E2F1: variants seen among roughly 807,000 people sequenced by gnomAD.
The protein encoded by E2F1 is transcription factor E2F1.
E2F1 carries 7 observed loss-of-function variants against 36.9 expected under a neutral mutation model. The observed-to-expected ratio is 0.19, with a 90% CI of 0.11 to 0.36. The LOEUF (loss-of-function observed/expected upper bound fraction) is 0.36, where lower values mean the gene tolerates loss of function less well. Among genes scored for constraint, E2F1 ranks in the 10% least tolerant of loss-of-function variants. The probability of loss-of-function intolerance (pLI) is 1.00; values close to 1 mark genes in which losing one functional copy is unlikely to be tolerated. For missense variants in E2F1, 406 were observed against 573.6 expected (o/e 0.71, Z 2.99); for synonymous variants, 261 against 263.1 (o/e 0.99, Z 0.08).
Position 33,676,137 on chromosome 20 carries a change from C to T in E2F1, c.*595G>A, listed in dbSNP as rs756396855. On this transcript the variant is annotated 3_prime_UTR_variant, in exon 7 of 7. Coordinates refer to ENST00000343380, the MANE Select transcript of E2F1 (RefSeq NM_005225.3). ...ACACCCCTCCTCCCCTTTGCTGATT[C>T]CCCAGGCTCACCAAAGAGGCCTCGA... 6.5e-6 allele frequency: 1 copy of T among 152,810 alleles called. No homozygotes were observed. The highest frequency in any genetic ancestry group is 1.5e-5 in the Non-Finnish European group (1 of 68,172). The allele number at this position is 152,810 out of a possible 1,614,324, so 9.5% of individuals were successfully genotyped here.
At chr20:33,682,645 T>C (rs563905598) in intron 1 of E2F1, among the ~76,000 whole-genome samples, 1 of 152,310 alleles carries the variant, frequency 6.6e-6, no homozygotes, top group Middle Eastern at 3.4e-3. Context: ...CTTGAGTGGA[T>C]GCCATTTCTG....
At position 33,676,903 on chromosome 20, in the gene E2F1, G is replaced by A. The variant is rs2017967078; in HGVS notation, c.1143C>T (p.Asp381=). ...CCTCCCGCACATGCTCCAGGAGCGA[G>A]TCGGCCGCCACCAGCGGGGACAGGC... The part of the protein sequence containing the change: ...EDRLSPLVAA[D]SLLEHVREDF... The change falls in exon 7 of 7, where the codon GAC becomes GAT. Residue 381 remains aspartate, a synonymous_variant. Coordinates refer to ENST00000343380, the MANE Select transcript of E2F1 (RefSeq NM_005225.3). 1 of 1,569,832 alleles carries A rather than the reference G, an allele frequency of 6.4e-7. No individual in the cohort carries two copies. The highest frequency in any genetic ancestry group is 8.6e-7 in the Non-Finnish European group (1 of 1,156,636).
Position 33,677,171 on chromosome 20 carries a change from G to T in E2F1, c.1000C>A (p.Pro334Thr). The change falls in exon 6 of 7, where the codon CCA becomes ACA. Residue 334 changes from proline to threonine, a missense_variant. By Grantham distance (38) the Pro-to-Thr change is conservative. This residue lies in a region of E2F1 where 163 missense variants were observed against 181.5 expected (regional missense o/e 0.90). Coordinates refer to ENST00000343380, the MANE Select transcript of E2F1 (RefSeq NM_005225.3). ...ATDSATIVSP[P>T]PSSPPSSLTT... is the part of the protein sequence containing the mutation. ...AGGGATGAGGGGGGAGATGATGGTGGTGGTGACACTATGGTGGCAGAGTCA... is the reference window on the plus strand; with the variant it reads ...AGGGATGAGGGGGGAGATGATGGTGTTGGTGACACTATGGTGGCAGAGTCA... The T allele has an allele frequency of 6.2e-7, 1 of 1,614,180 alleles. No individual in the cohort carries two copies. Among genetic ancestry groups the T allele is most frequent in the Non-Finnish European group, 8.5e-7 (1 of 1,180,008 alleles).
In E2F1 at chr20:33,677,343, A is replaced by G. The variant is rs1351799088; in HGVS notation, c.841-13T>C. Reference sequence around the variant, plus strand: ...AGATCTGAAAGTTCTGGGTGGAAGCAGCAGGCAGGGTAAACTGAGGCCCAG... The same window carrying G: ...AGATCTGAAAGTTCTGGGTGGAAGCGGCAGGCAGGGTAAACTGAGGCCCAG... On this transcript the variant is annotated splice_polypyrimidine_tract_variant and intron_variant, in intron 5 of 6. Coordinates refer to ENST00000343380, the MANE Select transcript of E2F1 (RefSeq NM_005225.3). The G allele has an allele frequency of 3.1e-6, 5 of 1,612,266 alleles. No individual in the cohort carries two copies. Among genetic ancestry groups the G allele is most frequent in the South Asian group, 1.1e-5 (1 of 90,948 alleles).
At chr20:33,685,607 C>A (rs1281104586) in intron 1 of E2F1, among the ~76,000 whole-genome samples, 2 of 152,180 alleles carry the variant, frequency 1.3e-5, no homozygotes, top group African/African-American at 2.4e-5. Context: ...CCTCTCTGGG[C>A]CTCAGTTCCT....
intron 1 of E2F1, among the ~76,000 whole-genome samples, chr20:33,680,964 G>A (rs1327505503): frequency 3.3e-5 from 5 of 152,196 alleles, no homozygotes; most frequent in African/African-American, 1.2e-4. Context: ...GAGACCCCAA[G>A]CCAGAGCTGG....
chr20:33,680,528 C>CT, intron 1 of E2F1, 112 bp from the exon 2 acceptor site: 1 of 860,726 alleles, frequency 1.2e-6, no homozygotes, highest in Non-Finnish European at 1.8e-6. Context: ...AGCAGGATGC[C>CT]TGAGTGTGTG....
chr20:33,683,346 G>A (rs2018033988), intron 1 of E2F1, among the ~76,000 whole-genome samples: 1 of 151,638 alleles, frequency 6.6e-6, no homozygotes, highest in Non-Finnish European at 1.5e-5. Context: ...AGCTACTCGG[G>A]AGGCTGAGGC....
At chr20:33,681,795 G>A (rs2018020244) in intron 1 of E2F1, among the ~76,000 whole-genome samples, 1 of 152,128 alleles carries the variant, frequency 6.6e-6, no homozygotes. Context: ...CCAGTGGGCT[G>A]CTGAGCAGAC....
intron 1 of E2F1, among the ~76,000 whole-genome samples, chr20:33,682,764 C>T (rs1307097781): frequency 1.3e-5 from 2 of 152,226 alleles, no homozygotes; most frequent in Non-Finnish European, 2.9e-5. Flanking sequence ...TGAAGGGGGT[C>T]ACGAAAGCTG....
At chr20:33,680,935 A>G (rs1300782815) in intron 1 of E2F1, among the ~76,000 whole-genome samples, 1 of 152,332 alleles carries the variant, frequency 6.6e-6, no homozygotes, top group East Asian at 1.9e-4. Context: ...CCAGAACCCA[A>G]ACACTGGCTG....
In E2F1 at chr20:33,679,042, T is replaced by C. The variant is rs187433937; in HGVS notation, c.573-689A>G. Among the ~76,000 whole-genome samples the C allele has an allele frequency of 1.7e-4, 26 of 152,290 alleles. No individual in the cohort carries two copies. Among genetic ancestry groups the C allele is most frequent in the African/African-American group, 4.8e-4 (20 of 41,544 alleles). On this transcript the variant is annotated intron_variant, in intron 3 of 6. Transcript: ENST00000343380. This position sits in a 1 kb window ranked among gnomAD's most constrained non-coding sequence, Gnocchi z 4.6. ...TATCAAAGAAAGGGTAGTAGCATGA[T>C]GACTGGCGCGAAGGCGAGAGGGGGA... is the stretch of plus-strand genomic sequence containing the variant.
At chr20:33,683,176 C>T (rs3213158) in intron 1 of E2F1, among the ~76,000 whole-genome samples, 3,645 of 152,282 alleles carry the variant, frequency 0.024, 222 homozygotes, top group Admixed American at 0.14. Flanking sequence ...TTTGGCCAGG[C>T]GCAGTGGCTC....
Position 33,676,114 on chromosome 20 carries a change from A to G in E2F1, c.*618T>C, listed in dbSNP as rs2017949244. On this transcript the variant is annotated 3_prime_UTR_variant, in exon 7 of 7. Transcript: ENST00000343380. ...GAGGGAGTTGGGGTATCAACCCCAC[A>G]CCCCTCCTCCCCTTTGCTGATTCCC... The G allele has an allele frequency of 6.6e-6, 1 of 152,660 alleles. No individual in the cohort carries two copies. The highest frequency in any genetic ancestry group is 1.5e-5 in the Non-Finnish European group (1 of 68,134). The allele number at this position is 152,660 out of a possible 1,614,324, so 9.5% of individuals were successfully genotyped here.
chr20:33,683,049 AAAAAAC>A (rs1404694201), intron 1 of E2F1, among the ~76,000 whole-genome samples: 1 of 152,206 alleles, frequency 6.6e-6, no homozygotes, highest in Non-Finnish European at 1.5e-5. Context: ...TTAAAACTTT[AAAAAAC>A]AAAAACTGTC....
At chr20:33,684,007 T>C (rs536079382) in intron 1 of E2F1, among the ~76,000 whole-genome samples, 1 of 152,300 alleles carries the variant, frequency 6.6e-6, no homozygotes, top group Non-Finnish European at 1.5e-5. Context: ...CTGTGGACTT[T>C]CTGGACTTCA....
Position 33,684,547 on chromosome 20 carries a change from G to A in E2F1, c.261+1457C>T, listed in dbSNP as rs542413470. Reference sequence around the variant, plus strand: ...AGACTGCTCTCCCCACTCAAGAGCAGAATGACATGGGAAGATTCTAACATC... The same window carrying A: ...AGACTGCTCTCCCCACTCAAGAGCAAAATGACATGGGAAGATTCTAACATC... On this transcript the variant is annotated intron_variant, in intron 1 of 6. Coordinates refer to ENST00000343380, the MANE Select transcript of E2F1 (RefSeq NM_005225.3). Among the ~76,000 whole-genome samples, 6 of 152,344 alleles carry A rather than the reference G, an allele frequency of 3.9e-5. No individual in the cohort carries two copies. In the East Asian group the frequency reaches 1.2e-3, roughly 29 times the overall value.
intron 3 of E2F1, among the ~76,000 whole-genome samples, chr20:33,678,989 G>A (rs923156401): frequency 6.6e-6 from 1 of 152,036 alleles, no homozygotes; most frequent in Non-Finnish European, 1.5e-5. Flanking sequence ...AGAATGGAAC[G>A]ATCTACCAAA....
Position 33,677,349 on chromosome 20 carries a change from C to T in E2F1, c.841-19G>A. ...GAAAGTTCTGGGTGGAAGCAGCAGG[C>T]AGGGTAAACTGAGGCCCAGGTGACC... On this transcript the variant is annotated intron_variant, in intron 5 of 6. Coordinates refer to ENST00000343380, the MANE Select transcript of E2F1 (RefSeq NM_005225.3). 6.2e-7 allele frequency: 1 copy of T among 1,611,246 alleles called. No individual in the cohort carries two copies. The highest frequency in any genetic ancestry group is 1.7e-4 in the Middle Eastern group (1 of 6,048).
Sources: gnomAD v4.1 joint callset for allele counts (sites outside exome capture counted in the v4.1 genomes callset) on GRCh38, gnomAD v4.1.1 for gene constraint, gnomAD v4.1.1 regional missense constraint, Gnocchi (gnomAD v3.1) non-coding constraint, MANE v1.5 for transcripts, NCBI Gene and HGNC (gene_info 2026-07-23, HGNC 2026-07-21) for gene names.